Variants in KANSL1 observed in about 807,000 individuals in gnomAD.
KANSL1 encodes the protein KAT8 regulatory NSL complex subunit 1.
In KANSL1, 22 loss-of-function variants were observed where a neutral mutation model predicts 103.6. The ratio of observed to expected loss-of-function variants is 0.21; its 90% CI spans 0.15 to 0.30. The LOEUF (loss-of-function observed/expected upper bound fraction) is 0.30. KANSL1 is among the 10% of genes least tolerant of loss of function. KANSL1 has a pLI of 1.00. For missense variants in KANSL1, 1,337 were observed against 1,399.8 expected, an observed-to-expected ratio of 0.96 and a Z score of 0.72; for synonymous variants, 600 against 527.6, an observed-to-expected ratio of 1.14 and a Z score of -1.88.
At chr17:46,154,746 G>A (rs1016508920) in intron 2 of KANSL1, among the ~76,000 whole-genome samples, 1 of 152,372 alleles carries the variant, frequency 6.6e-6, no homozygotes, top group South Asian at 2.1e-4. Context: ...AAAGAAATGA[G>A]AGGGTGTGGT....
chr17:46,151,154 G>A (rs1473921827), intron 2 of KANSL1, among the ~76,000 whole-genome samples: 2 of 152,202 alleles, frequency 1.3e-5, no homozygotes, highest in Non-Finnish European at 2.9e-5. Context: ...TTAAGAATGA[G>A]TTATAACTGA....
chr17:46,110,089 TTCATC>T (rs1440294638), intron 2 of KANSL1, among the ~76,000 whole-genome samples: 2 of 152,206 alleles, frequency 1.3e-5, no homozygotes, highest in South Asian at 4.1e-4. Flanking sequence ...ACAGTAACTG[TTCATC>T]TTAAGTCGTA....
intron 4 of KANSL1, among the ~76,000 whole-genome samples, chr17:46,073,528 T>A (rs1037797146): frequency 6.6e-6 from 1 of 152,146 alleles, no homozygotes; most frequent in African/African-American, 2.4e-5. Context: ...AGCCAAAACG[T>A]ACTGAAATTG....
chr17:46,195,806 G>A (rs2047588116), upstream of KANSL1, among the ~76,000 whole-genome samples: 1 of 152,082 alleles, frequency 6.6e-6, no homozygotes, highest in Non-Finnish European at 1.5e-5. Flanking sequence ...CTCGAGTGCT[G>A]GCATTACAGG....
rs1490889923 is a variant in KANSL1 at position 46,032,167 on chromosome 17, C to A, written c.2970G>T (p.Arg990Ser). Residue 990 changes from arginine to serine, a missense_variant, in exon 14 of 15, where the codon AGG (arginine) becomes AGT (serine). Transcript: ENST00000432791. ...LSEYSHGQSP[R>S]SPISPELHSA... Reference sequence around the variant, plus strand: ...AGTGCAGTTCCGGGCTAATGGGGCTCCTAGGGGACTGACCATGGGAGTATT... The same window carrying A: ...AGTGCAGTTCCGGGCTAATGGGGCTACTAGGGGACTGACCATGGGAGTATT... 2 of 1,613,634 alleles carry A rather than the reference C, an allele frequency of 1.2e-6. No individual in the cohort carries two copies. The highest frequency in any genetic ancestry group is 3.3e-5 in the Admixed American group (2 of 59,984).
At chr17:46,147,868 T>C (rs2696586) in intron 2 of KANSL1, among the ~76,000 whole-genome samples, 21,952 of 152,162 alleles carry the variant, frequency 0.14, 2,137 homozygotes, top group Middle Eastern at 0.22. Context: ...CTTGAAAGGC[T>C]TAGGAATCTG....
chr17:46,187,190 T>G (rs1298204693), intron 1 of KANSL1, among the ~76,000 whole-genome samples: 1 of 152,264 alleles, frequency 6.6e-6, no homozygotes, highest in Non-Finnish European at 1.5e-5. Flanking sequence ...AGTCTAGATA[T>G]GAGTTCTTAG....
chr17:46,119,353 G>A (rs1005604061), intron 2 of KANSL1, among the ~76,000 whole-genome samples: 4 of 149,026 alleles, frequency 2.7e-5, no homozygotes, highest in South Asian at 2.1e-4. Context: ...GGGGAGTCTC[G>A]CTCAGTTGCC....
chr17:46,173,572 G>C (rs1054393677), intron 1 of KANSL1, among the ~76,000 whole-genome samples: 5 of 152,168 alleles, frequency 3.3e-5, no homozygotes, highest in Non-Finnish European at 7.3e-5. Context: ...TTGGAGGTTC[G>C]TGAAATCAAA....
intron 4 of KANSL1, among the ~76,000 whole-genome samples, chr17:46,077,471 C>G (rs1231209363): frequency 6.6e-6 from 1 of 152,208 alleles, no homozygotes; most frequent in Non-Finnish European, 1.5e-5. Flanking sequence ...AGCATCACAG[C>G]TCAGGAATAA....
intron 7 of KANSL1, chr17:46,044,064 G>C (rs1189581155): frequency 6.6e-6 from 1 of 151,576 alleles, no homozygotes; most frequent in African/African-American, 2.4e-5. Flanking sequence ...ATAATACCTA[G>C]GTTCTGTGAA....
chr17:46,092,359 T>A lies in KANSL1; in HGVS notation c.1431+2201A>T, dbSNP rs1430198015. ...GAGTGATGAGCTGAAGAATAAAGCATGAACCAAATGAGGTGAGTATCTTCT... is the reference window on the plus strand; with the variant it reads ...GAGTGATGAGCTGAAGAATAAAGCAAGAACCAAATGAGGTGAGTATCTTCT... On this transcript the variant is annotated intron_variant, in intron 3 of 14. Coordinates refer to ENST00000432791, the MANE Select transcript of KANSL1 (RefSeq NM_015443.4). Among the ~76,000 whole-genome samples the A allele has an allele frequency of 2.6e-5, 4 of 152,360 alleles. No individual in the cohort carries two copies. The East Asian group carries it at 5.8e-4, about 22-fold the overall frequency.
chr17:46,126,418 G>T (rs1389363526), intron 2 of KANSL1, among the ~76,000 whole-genome samples: 1 of 151,822 alleles, frequency 6.6e-6, no homozygotes, highest in Admixed American at 6.6e-5. Flanking sequence ...CTCCAGCCTG[G>T]GTGACAAGAG....
At chr17:46,222,762 T>C (rs923819478) in intron 1 of KANSL1, 6 of 152,450 alleles carry the variant, frequency 3.9e-5, no homozygotes, top group Non-Finnish European at 8.8e-5. Flanking sequence ...TATCCTACTC[T>C]GAAGAAAGGC....
chr17:46,216,959 T>C (rs2048358781), intron 1 of KANSL1, among the ~76,000 whole-genome samples: 1 of 151,886 alleles, frequency 6.6e-6, no homozygotes, highest in Middle Eastern at 3.2e-3. Flanking sequence ...TATTTAAAAA[T>C]AGCCAGATGT....
chr17:46,225,157 C>G (rs2048647283), upstream of KANSL1, among the ~76,000 whole-genome samples: 1 of 152,068 alleles, frequency 6.6e-6, no homozygotes, highest in Non-Finnish European at 1.5e-5. Context: ...AGCCCCGCCG[C>G]TTCCAGGGCC....
At chr17:46,046,609 G>A (rs893410704) in intron 7 of KANSL1, among the ~76,000 whole-genome samples, 5 of 147,238 alleles carry the variant, frequency 3.4e-5, no homozygotes, top group Admixed American at 7.0e-5. Context: ...AGGCCAAGAC[G>A]GGTGGATCAC....
chr17:46,089,938 T>C lies in KANSL1; in HGVS notation c.1431+4622A>G, dbSNP rs146682768. 2.6e-5 allele frequency among the ~76,000 whole-genome samples: 4 copies of C among 152,358 alleles called. No individual in the cohort carries two copies. The East Asian group carries it at 7.7e-4, about 29-fold the overall frequency. On this transcript the variant is annotated intron_variant, in intron 3 of 14. Transcript: ENST00000432791. ...AATATATCATTGGGGGAAAATTCCA[T>C]GGCTTGTTAGAGCAAGTTGAATATT...
intron 2 of KANSL1, among the ~76,000 whole-genome samples, chr17:46,135,541 C>T (rs892428013): frequency 3.4e-5 from 4 of 117,654 alleles, no homozygotes; most frequent in Non-Finnish European, 1.7e-5. Flanking sequence ...CTCAACTATA[C>T]ATTTTTTTTT....
Sources: allele counts gnomAD v4.1 joint callset (sites outside exome capture counted in the v4.1 genomes callset), GRCh38; gene constraint gnomAD v4.1.1; transcripts MANE v1.5; gene names NCBI Gene and HGNC (gene_info 2026-07-23, HGNC 2026-07-21).